DLGAP1: variants seen among roughly 807,000 people sequenced by gnomAD.
The protein encoded by DLGAP1 is disks large-associated protein 1.
Under a neutral mutation model 90.8 loss-of-function variants are expected in DLGAP1, and 11 were observed. The ratio of observed to expected loss-of-function variants is 0.12; its 90% CI spans 0.08 to 0.20. The LOEUF (loss-of-function observed/expected upper bound fraction) is 0.20, where lower values mean the gene tolerates loss of function less well. Among genes scored for constraint, DLGAP1 ranks in the 10% least tolerant of loss-of-function variants. The pLI, the probability that DLGAP1 is intolerant of heterozygous loss-of-function variation, is 1.00. For missense variants in DLGAP1, 1,050 were observed against 1,333.8 expected, an observed-to-expected ratio of 0.79 and a Z score of 3.31; for synonymous variants, 558 against 540.7, an observed-to-expected ratio of 1.03 and a Z score of -0.44.
chr18:4,252,665 CA>C (rs2078806652), intron 1 of DLGAP1, among the ~76,000 whole-genome samples: 1 of 152,166 alleles, frequency 6.6e-6, no homozygotes, highest in Admixed American at 6.5e-5. Flanking sequence ...ATATTCAAAA[CA>C]AAACAAAACT....
intron 7 of DLGAP1, among the ~76,000 whole-genome samples, chr18:3,588,641 G>A (rs2056041185): frequency 6.6e-6 from 1 of 150,968 alleles, no homozygotes; most frequent in Non-Finnish European, 1.5e-5. Context: ...TTAGCCAGGC[G>A]TGGTGGTGTG....
intron 1 of DLGAP1, among the ~76,000 whole-genome samples, chr18:4,376,288 C>A (rs1168098970): frequency 6.6e-6 from 1 of 152,124 alleles, no homozygotes; most frequent in East Asian, 1.9e-4. Context: ...TACTCCAGTT[C>A]CATAACCTGT....
rs61744861 is a variant in DLGAP1, at chr18:3,880,060, C to T, written c.9G>A (p.Gly3=). The part of the protein sequence containing the change: MK[G]LSGSRSHHHG... ...GGTGATGGCTGCGGCTGCCTGATAGCCCTTTCATGGCGGACCGGAAGCAGC... is the reference window on the plus strand; with the variant it reads ...GGTGATGGCTGCGGCTGCCTGATAGTCCTTTCATGGCGGACCGGAAGCAGC... Residue 3 remains glycine, a synonymous_variant, in exon 4 of 13, where the codon GGG becomes GGA. Coordinates refer to ENST00000315677, the MANE Select transcript of DLGAP1 (RefSeq NM_004746.4). 367 of 1,601,030 alleles carry T rather than the reference C, an allele frequency of 2.3e-4. 3 individuals are homozygous for T. Among genetic ancestry groups the T allele is most frequent in the South Asian group, 1.8e-3 (164 of 90,984 alleles).
intron 11 of DLGAP1, 110 bp downstream of exon 11, chr18:3,508,460 A>G (rs779383830): frequency 2.3e-5 from 13 of 569,476 alleles, no homozygotes; most frequent in African/African-American, 3.8e-5. Flanking sequence ...AGAGACTCCA[A>G]TGGACCTTGA....
chr18:4,069,877 T>A (rs182290412), intron 2 of DLGAP1, among the ~76,000 whole-genome samples: 2 of 152,364 alleles, frequency 1.3e-5, no homozygotes, highest in South Asian at 2.1e-4. Context: ...GCATGTTTAA[T>A]GCAAATCAAA....
intron 1 of DLGAP1, among the ~76,000 whole-genome samples, chr18:4,273,409 T>C (rs2079330306): frequency 6.6e-6 from 1 of 152,168 alleles, no homozygotes. Flanking sequence ...CAGGTATTAC[T>C]GATGATGTTC....
chr18:4,361,128 A>C (rs796229849), intron 1 of DLGAP1, among the ~76,000 whole-genome samples: 6 of 152,312 alleles, frequency 3.9e-5, no homozygotes, highest in African/African-American at 1.4e-4. Context: ...AAATTTCAGA[A>C]GAGGGCTTCA....
intron 3 of DLGAP1, among the ~76,000 whole-genome samples, chr18:3,918,086 T>C (rs370860764): frequency 1.3e-5 from 2 of 152,202 alleles, no homozygotes; most frequent in African/African-American, 2.4e-5. Flanking sequence ...GGATCTTATA[T>C]AGAAGGAAGT....
chr18:3,895,441 C>G (rs141896205), intron 3 of DLGAP1, among the ~76,000 whole-genome samples: 19 of 152,240 alleles, frequency 1.2e-4, no homozygotes, highest in Non-Finnish European at 2.6e-4. Flanking sequence ...TGTCAATATG[C>G]TTTTTCCCTC....
At chr18:4,440,476 C>T (rs1381073681) in intron 1 of DLGAP1, among the ~76,000 whole-genome samples, 1 of 152,080 alleles carries the variant, frequency 6.6e-6, no homozygotes, top group Non-Finnish European at 1.5e-5. Context: ...CTAATTAATG[C>T]TTTACTATCG....
Position 3,879,513 on chromosome 18 carries a change from C to T in DLGAP1, c.556G>A (p.Glu186Lys). Reference protein sequence around the residue: ...ARYGKRSKSKERRAEPKARPS... With the variant: ...ARYGKRSKSKKRRAEPKARPS... ...CGGGCCTTGGGCTCCGCGCGCCGCTCCTTGCTCTTGCTGCGTTTGCCATAG... is the reference window on the plus strand; with the variant it reads ...CGGGCCTTGGGCTCCGCGCGCCGCTTCTTGCTCTTGCTGCGTTTGCCATAG... The change falls in exon 4 of 13, where the codon GAG becomes AAG. Residue 186 changes from glutamate to lysine, a missense_variant. Glu to Lys is a moderately conservative substitution (Grantham distance 56, BLOSUM62 1). Transcript: ENST00000315677. The surrounding 1 kb of genome is among the most constrained non-coding windows in gnomAD (Gnocchi z 6.6). 1 of 1,602,888 alleles carries T rather than the reference C, an allele frequency of 6.2e-7. No individual in the cohort carries two copies. Among genetic ancestry groups the T allele is most frequent in the Non-Finnish European group, 8.5e-7 (1 of 1,179,524 alleles).
chr18:3,586,677 C>T (rs1203021797), intron 7 of DLGAP1, among the ~76,000 whole-genome samples: 1 of 152,062 alleles, frequency 6.6e-6, no homozygotes, highest in Non-Finnish European at 1.5e-5. Context: ...CTCACACTTC[C>T]CCATAGTTCC....
intron 3 of DLGAP1, among the ~76,000 whole-genome samples, chr18:3,927,189 A>G (rs1295911564): frequency 1.3e-5 from 2 of 152,248 alleles, no homozygotes; most frequent in East Asian, 3.9e-4. Context: ...TAATTGATTC[A>G]GGCAACAGTA....
intron 2 of DLGAP1, among the ~76,000 whole-genome samples, chr18:4,049,350 T>C (rs1408710967): frequency 6.6e-6 from 1 of 152,154 alleles, no homozygotes; most frequent in East Asian, 1.9e-4. Context: ...CCTGCCAACT[T>C]AGCCCTGCCC....
chr18:4,030,018 A>C (rs2074768689), intron 2 of DLGAP1, among the ~76,000 whole-genome samples: 1 of 152,116 alleles, frequency 6.6e-6, no homozygotes, highest in African/African-American at 2.4e-5. Flanking sequence ...TTGAGACGGG[A>C]GTCTCGCTCT....
intron 2 of DLGAP1, among the ~76,000 whole-genome samples, chr18:4,120,111 G>A (rs897099569): frequency 8.5e-5 from 13 of 152,284 alleles, no homozygotes; most frequent in African/African-American, 3.1e-4. Context: ...TATTTATTAT[G>A]ACTGAAAATT....
chr18:3,594,128 CA>C, intron 7 of DLGAP1: 1 of 152,354 alleles, frequency 6.6e-6, no homozygotes, highest in Middle Eastern at 3.4e-3. Flanking sequence ...GCTGCCCCTG[CA>C]AATGTCAGCG....
chr18:3,662,098 T>A (rs189669646), intron 7 of DLGAP1, among the ~76,000 whole-genome samples: 1,643 of 144,416 alleles, frequency 0.011, 30 homozygotes, highest in African/African-American at 0.039. Flanking sequence ...TTTAAAAATT[T>A]AAAAAAAAAA....
intron 1 of DLGAP1, among the ~76,000 whole-genome samples, chr18:4,289,863 A>G (rs753361986): frequency 1.5e-4 from 23 of 152,192 alleles, no homozygotes; most frequent in Non-Finnish European, 2.6e-4. Context: ...AGCTCTGTAC[A>G]GTAAATGGTA....
Sources: allele counts gnomAD v4.1 joint callset (sites outside exome capture counted in the v4.1 genomes callset), GRCh38; gene constraint gnomAD v4.1.1; non-coding constraint Gnocchi (gnomAD v3.1); transcripts MANE v1.5; gene names NCBI Gene and HGNC (gene_info 2026-07-23, HGNC 2026-07-21).